Variants in ARHGAP18 observed in about 807,000 individuals in gnomAD.
ARHGAP18 encodes the protein Rho GTPase activating protein 18.
ARHGAP18 carries 67 observed loss-of-function variants against 86.2 expected under a neutral mutation model. The ratio of observed to expected loss-of-function variants is 0.78; its 90% confidence interval spans 0.64 to 0.95. ARHGAP18 has a LOEUF of 0.95. Among genes scored for constraint, ARHGAP18 ranks in the 40% least tolerant of loss-of-function variants. The pLI, the probability that ARHGAP18 is intolerant of heterozygous loss-of-function variation, is 0.00. For missense variants in ARHGAP18, 691 were observed against 780.4 expected, an observed-to-expected ratio of 0.89 and a Z score of 1.37; for synonymous variants, 283 against 280.4, an observed-to-expected ratio of 1.01 and a Z score of -0.09.
At chr6:129,630,936 G>A (rs1268934981) in intron 4 of ARHGAP18, among the ~76,000 whole-genome samples, 2 of 152,094 alleles carry the variant, frequency 1.3e-5, no homozygotes, top group East Asian at 1.9e-4. Flanking sequence ...TACATTTAAA[G>A]CCCGTTGATA....
At chr6:129,702,873 G>A (rs1986326) in intron 1 of ARHGAP18, among the ~76,000 whole-genome samples, 36,419 of 152,184 alleles carry the variant, frequency 0.24, 5,077 homozygotes, top group African/African-American at 0.38. Flanking sequence ...GGTGGCGCAC[G>A]CCTGTAATCC....
chr6:129,626,801 G>C (rs1789485057), intron 5 of ARHGAP18, among the ~76,000 whole-genome samples: 1 of 152,016 alleles, frequency 6.6e-6, no homozygotes, highest in African/African-American at 2.4e-5. Flanking sequence ...CATTAACTTA[G>C]GATGAAGCAA....
chr6:129,638,433 G>GTTGAGCAAAT lies in ARHGAP18; in HGVS notation c.512_513insATTTGCTCAA (p.Arg172PhefsTer22). On this transcript the variant is annotated frameshift_variant, in exon 3 of 15. Transcript: ENST00000368149. LOFTEE classifies it high-confidence loss of function. ...CTCTCTGTTGAGCAAATATGTCTCT[G>GTTGAGCAAAT]ACGTCAGGAATCTGGTACTGTTTGT... The GTTGAGCAAAT allele has an allele frequency of 6.2e-7, 1 of 1,614,134 alleles. No individual in the cohort carries two copies.
chr6:129,642,809 GGAT>G (rs1211333156), intron 1 of ARHGAP18, among the ~76,000 whole-genome samples: 5 of 152,012 alleles, frequency 3.3e-5, no homozygotes, highest in Non-Finnish European at 4.4e-5. Context: ...AATATAAATA[GGAT>G]GATTTAAGTT....
At chr6:129,671,024 A>C (rs1479765504) in intron 1 of ARHGAP18, among the ~76,000 whole-genome samples, 1 of 152,210 alleles carries the variant, frequency 6.6e-6, no homozygotes, top group East Asian at 1.9e-4. Flanking sequence ...TAGAGATGTC[A>C]GGAGTTAGAA....
chr6:129,586,061 G>A (rs996196407), intron 12 of ARHGAP18, among the ~76,000 whole-genome samples: 1 of 152,104 alleles, frequency 6.6e-6, no homozygotes, highest in African/African-American at 2.4e-5. Context: ...CAATGGATGG[G>A]GCATTTCATG....
At chr6:129,615,090 T>A (rs535174077) in intron 7 of ARHGAP18, among the ~76,000 whole-genome samples, 1 of 152,346 alleles carries the variant, frequency 6.6e-6, no homozygotes, top group East Asian at 1.9e-4. Flanking sequence ...CTATTGCTTC[T>A]GTTTCTCTGG....
intron 1 of ARHGAP18, among the ~76,000 whole-genome samples, chr6:129,646,876 C>T (rs976295754): frequency 3.3e-5 from 5 of 152,134 alleles, no homozygotes; most frequent in Non-Finnish European, 7.4e-5. Flanking sequence ...GTCTGGAGAG[C>T]CTCAGGTGTT....
Position 129,619,258 on chromosome 6 carries a change from A to G in ARHGAP18, c.787-406T>C, listed in dbSNP as rs907375689. On this transcript the variant is annotated intron_variant, in intron 5 of 14. Coordinates refer to ENST00000368149, the MANE Select transcript of ARHGAP18 (RefSeq NM_033515.3). ...GAAGGGGAGAAGGAAGGGGAGAGAGAGGGGGAGGGGAGGGGGAAAAGAAAG... is the reference window on the plus strand; with the variant it reads ...GAAGGGGAGAAGGAAGGGGAGAGAGGGGGGGAGGGGAGGGGGAAAAGAAAG... Among the ~76,000 whole-genome samples the G allele has an allele frequency of 9.0e-3, 15 of 1,662 alleles. 1 individual carries two copies. Among genetic ancestry groups the G allele is most frequent in the South Asian group, 0.016 (1 of 62 alleles). The allele number at this position is 1,662 out of a possible 152,430, so 1.1% of individuals were successfully genotyped here. A position where few individuals can be genotyped will look rare whatever the true frequency, so the allele number is the denominator to read the frequency against.
At chr6:129,642,056 A>T (rs1562707104) in intron 1 of ARHGAP18, 38 bp from the exon 2 acceptor site, 1 of 1,575,920 alleles carries the variant, frequency 6.3e-7, no homozygotes, top group Admixed American at 1.7e-5. Context: ...ATTTTAGTAC[A>T]AAAGGAAGCA....
chr6:129,644,001 T>A (rs1471347473), intron 1 of ARHGAP18, among the ~76,000 whole-genome samples: 1 of 152,236 alleles, frequency 6.6e-6, no homozygotes, highest in African/African-American at 2.4e-5. Flanking sequence ...TTAAAGATGA[T>A]TCTTCCTGCC....
intron 1 of ARHGAP18, among the ~76,000 whole-genome samples, chr6:129,706,879 C>A (rs1239053210): frequency 1.3e-4 from 14 of 104,576 alleles, no homozygotes; most frequent in African/African-American, 5.6e-4. Flanking sequence ...GAGTAAGACT[C>A]TGTCTCAAAA....
intron 12 of ARHGAP18, among the ~76,000 whole-genome samples, chr6:129,585,426 A>G (rs958375467): frequency 6.6e-6 from 1 of 152,222 alleles, no homozygotes; most frequent in Non-Finnish European, 1.5e-5. Flanking sequence ...AGGTACCCTA[A>G]AAGATTTAAT....
intron 1 of ARHGAP18, among the ~76,000 whole-genome samples, chr6:129,654,303 A>G (rs1773783008): frequency 6.6e-6 from 1 of 152,204 alleles, no homozygotes; most frequent in South Asian, 2.1e-4. Context: ...CTAGCACAAT[A>G]TGGGCATACT....
intron 1 of ARHGAP18, among the ~76,000 whole-genome samples, chr6:129,704,494 C>T (rs1774772677): frequency 6.6e-6 from 1 of 152,102 alleles, no homozygotes; most frequent in Non-Finnish European, 1.5e-5. Context: ...TCTCGCTCAA[C>T]TTACCCCAGC....
At position 129,599,304 on chromosome 6, in the gene ARHGAP18, T is replaced by C. The variant is rs1788686695; in HGVS notation, c.1625A>G (p.Lys542Arg). Residue 542 changes from lysine to arginine, a missense_variant, in exon 12 of 15, where the codon AAA becomes AGA. Coordinates refer to ENST00000368149, the MANE Select transcript of ARHGAP18 (RefSeq NM_033515.3). Reference sequence around the variant, plus strand: ...TTTCTTCATGGCTCTTTTATCCTTTTTATGATTTTCCGTGTTTTGCTTCCT... The same window carrying C: ...TTTCTTCATGGCTCTTTTATCCTTTCTATGATTTTCCGTGTTTTGCTTCCT... ...QVRKQNTENHKKDKRAMKKLL... is the reference protein window; with the variant it reads ...QVRKQNTENHRKDKRAMKKLL... 6.9e-6 allele frequency: 11 copies of C among 1,594,544 alleles called. No individual in the cohort carries two copies. The highest frequency in any genetic ancestry group is 9.4e-6 in the Non-Finnish European group (11 of 1,172,836).
At chr6:129,618,968 G>C (rs1018492594) in intron 5 of ARHGAP18, 116 bp from the exon 6 acceptor site, 2 of 928,092 alleles carry the variant, frequency 2.2e-6, no homozygotes, top group Non-Finnish European at 3.2e-6. Flanking sequence ...GATAAGAAAA[G>C]CCACAGAATT....
Position 129,638,565 on chromosome 6 carries a change from A to C in ARHGAP18, c.381T>G (p.Ala127=), listed in dbSNP as rs1174966525. 6.2e-7 allele frequency: 1 copy of C among 1,614,182 alleles called. No homozygotes were observed. Among genetic ancestry groups the C allele is most frequent in the Non-Finnish European group, 8.5e-7 (1 of 1,180,030 alleles). Residue 127 remains alanine (A), a synonymous_variant, in exon 3 of 15, where the codon GCT becomes GCG. Transcript: ENST00000368149. ...AGLSNLFGES[A]GDPQESIVFL... ...ACACAATGCTTTCCTGTGGATCTCCAGCAGACTCTCCGAAGAGATTGGATA... is the reference window on the plus strand; with the variant it reads ...ACACAATGCTTTCCTGTGGATCTCCCGCAGACTCTCCGAAGAGATTGGATA...
At chr6:129,707,619 A>G (rs12212045) in intron 1 of ARHGAP18, among the ~76,000 whole-genome samples, 32,682 of 148,366 alleles carry the variant, frequency 0.22, 3,841 homozygotes, top group African/African-American at 0.28. Flanking sequence ...ACGGGCATGC[A>G]CTACCATTTC....
Sources: allele counts gnomAD v4.1 joint callset (sites outside exome capture counted in the v4.1 genomes callset), GRCh38; gene constraint gnomAD v4.1.1; transcripts MANE v1.5; gene names NCBI Gene and HGNC (gene_info 2026-07-23, HGNC 2026-07-21).